Variants in PPARGC1A observed in about 807,000 individuals in gnomAD.
The protein encoded by PPARGC1A is PPARG coactivator 1 alpha, also known as peroxisome proliferator-activated receptor gamma coactivator 1-alpha.
A neutral mutation model predicts 88.7 loss-of-function variants in PPARGC1A; 25 were observed. The observed-to-expected ratio is 0.28, with a 90% CI of 0.21 to 0.39. The LOEUF (loss-of-function observed/expected upper bound fraction) is 0.39. Ranked by LOEUF, PPARGC1A falls within the 10% of genes least tolerant of loss-of-function variation. The probability of loss-of-function intolerance (pLI) is 1.00; values close to 1 mark genes in which losing one functional copy is unlikely to be tolerated. For missense variants in PPARGC1A, 880 were observed against 968.7 expected, an observed-to-expected ratio of 0.91 and a Z score of 1.22; for synonymous variants, 363 against 355.6, an observed-to-expected ratio of 1.02 and a Z score of -0.24.
At chr4:24,148,633 G>A in the PPARGC1A span, among the ~76,000 whole-genome samples, 1 of 152,196 alleles carries the variant, frequency 6.6e-6, no homozygotes, top group Non-Finnish European at 1.5e-5. Context: ...GAACTAAACA[G>A]AACAACTAAT....
chr4:24,361,808 A>G, the PPARGC1A span, among the ~76,000 whole-genome samples: 1 of 152,228 alleles, frequency 6.6e-6, no homozygotes, highest in Non-Finnish European at 1.5e-5. Context: ...AGCCTGCATG[A>G]TCAGCTACAG....
chr4:24,446,536 C>T, the PPARGC1A span, among the ~76,000 whole-genome samples: 6 of 150,864 alleles, frequency 4.0e-5, no homozygotes, highest in South Asian at 2.1e-4. Flanking sequence ...GGTGTGCTAA[C>T]GGCCAGAGGA....
At chr4:23,996,696 C>T in the PPARGC1A span, among the ~76,000 whole-genome samples, 1 of 152,280 alleles carries the variant, frequency 6.6e-6, no homozygotes, top group East Asian at 1.9e-4. Context: ...GTCAGCAAAC[C>T]CTTTCTGTAA....
chr4:23,941,583 C>T, the PPARGC1A span, among the ~76,000 whole-genome samples: 28 of 152,272 alleles, frequency 1.8e-4, no homozygotes, highest in African/African-American at 4.3e-4. Flanking sequence ...TTCACATACA[C>T]TCATTTGGGA....
the PPARGC1A span, among the ~76,000 whole-genome samples, chr4:24,159,206 C>CTTTTTTT: frequency 6.4e-5 from 7 of 109,858 alleles, no homozygotes; most frequent in African/African-American, 1.2e-4. Context: ...GGAAATTAAC[C>CTTTTTTT]TTTTTTTTTT....
chr4:24,153,324 T>A, the PPARGC1A span, among the ~76,000 whole-genome samples: 1 of 152,066 alleles, frequency 6.6e-6, no homozygotes, highest in Admixed American at 6.6e-5. Flanking sequence ...ATAAAATAAT[T>A]TAGAAAACAT....
the PPARGC1A span, among the ~76,000 whole-genome samples, chr4:24,054,180 G>A: frequency 6.6e-6 from 1 of 151,994 alleles, no homozygotes; most frequent in Non-Finnish European, 1.5e-5. Context: ...GAATCTGAAT[G>A]TGATTTTAAG....
At chr4:24,258,342 T>C in the PPARGC1A span, 1 of 249,470 alleles carries the variant, frequency 4.0e-6, no homozygotes, top group African/African-American at 2.3e-5. Context: ...AGGTTTTAAA[T>C]TATTCGTCCA....
the PPARGC1A span, among the ~76,000 whole-genome samples, chr4:24,328,179 A>AT: frequency 2.0e-5 from 3 of 151,710 alleles, no homozygotes; most frequent in African/African-American, 7.3e-5. Flanking sequence ...TACAAAGCCT[A>AT]TTTGGTGGTC....
chr4:24,088,780 T>C, the PPARGC1A span, among the ~76,000 whole-genome samples: 1 of 152,204 alleles, frequency 6.6e-6, no homozygotes, highest in African/African-American at 2.4e-5. Context: ...ACATCACAGC[T>C]GCTTGTAAGT....
At chr4:24,040,842 C>A in the PPARGC1A span, among the ~76,000 whole-genome samples, 1 of 152,154 alleles carries the variant, frequency 6.6e-6, no homozygotes, top group Admixed American at 6.6e-5. Context: ...TTCCCAACAT[C>A]CATATTAATT....
At chr4:24,180,459 A>T in the PPARGC1A span, among the ~76,000 whole-genome samples, 1 of 152,176 alleles carries the variant, frequency 6.6e-6, no homozygotes, top group African/African-American at 2.4e-5. Flanking sequence ...ACGCTCTGGG[A>T]ACCATTGTTT....
At chr4:24,069,898 C>T in the PPARGC1A span, among the ~76,000 whole-genome samples, 1 of 152,148 alleles carries the variant, frequency 6.6e-6, no homozygotes, top group African/African-American at 2.4e-5. Flanking sequence ...GTCCCAGGCC[C>T]TATAAACTCT....
At chr4:23,879,707 G>A (rs1244838018) in intron 2 of PPARGC1A, among the ~76,000 whole-genome samples, 4 of 152,072 alleles carry the variant, frequency 2.6e-5, no homozygotes, top group Admixed American at 6.6e-5. Context: ...CTGATTTTCC[G>A]TATTTCCTAC....
the PPARGC1A span, among the ~76,000 whole-genome samples, chr4:24,189,658 T>A: frequency 6.6e-6 from 1 of 152,162 alleles, no homozygotes; most frequent in Non-Finnish European, 1.5e-5. Flanking sequence ...CTTTCTGGCT[T>A]GTATTCACAA....
chr4:24,172,861 T>G, the PPARGC1A span, among the ~76,000 whole-genome samples: 1 of 152,200 alleles, frequency 6.6e-6, no homozygotes, highest in East Asian at 1.9e-4. Flanking sequence ...CTTGGCGACC[T>G]AAAAGCCTCT....
chr4:24,139,194 T>A, the PPARGC1A span, among the ~76,000 whole-genome samples: 1 of 151,720 alleles, frequency 6.6e-6, no homozygotes, highest in African/African-American at 2.4e-5. Flanking sequence ...AGTGCAGTGG[T>A]GCGATCTCAT....
the PPARGC1A span, among the ~76,000 whole-genome samples, chr4:23,922,026 T>C: frequency 6.6e-6 from 1 of 152,210 alleles, no homozygotes; most frequent in Non-Finnish European, 1.5e-5. Flanking sequence ...TCATAAAATA[T>C]TATGCATGCT....
the PPARGC1A span, among the ~76,000 whole-genome samples, chr4:24,435,034 C>A: frequency 8.1e-4 from 124 of 152,260 alleles, no homozygotes; most frequent in African/African-American, 2.9e-3. Context: ...GACACAGAAA[C>A]GTCCCTTCTT....
Sources: allele counts gnomAD v4.1 joint callset (sites outside exome capture counted in the v4.1 genomes callset), GRCh38; gene constraint gnomAD v4.1.1; transcripts MANE v1.5; gene names NCBI Gene and HGNC (gene_info 2026-07-23, HGNC 2026-07-21).